The following DPRX variants were observed in gnomAD, a reference collection of about 807,000 sequenced individuals.
DPRX encodes divergent paired-related homeobox.
A neutral mutation model predicts 8.4 loss-of-function variants in DPRX; 11 were observed. The ratio of observed to expected loss-of-function variants is 1.31; its 90% CI spans 0.82 to 2.17. The LOEUF is 2.17. Among genes scored for constraint, DPRX ranks in the 30% most tolerant of loss-of-function variants. The probability of loss-of-function intolerance (pLI) is 0.00; values close to 1 mark genes in which losing one functional copy is unlikely to be tolerated. For synonymous variants in DPRX, 72 were observed against 87.0 expected (o/e 0.83, Z 0.96); for missense variants, 211 against 236.7 (o/e 0.89, Z 0.71).
chr19:53,614,937 T>C, the DPRX span, among the ~76,000 whole-genome samples: 4 of 152,030 alleles, frequency 2.6e-5, no homozygotes, highest in Non-Finnish European at 5.9e-5. Context: ...CTGGGGAACA[T>C]AGAAAGACCC....
At chr19:53,633,294 G>C (rs1310985429) in intron 1 of DPRX, among the ~76,000 whole-genome samples, 1 of 152,112 alleles carries the variant, frequency 6.6e-6, no homozygotes, top group African/African-American at 2.4e-5. Context: ...GAAAAAGAAA[G>C]TAAAAGGTGA....
exon 3 of DPRX, chr19:53,636,972 A>G (rs1011027948): frequency 6.2e-7 from 1 of 1,603,952 alleles, no homozygotes. Flanking sequence ...TCATCTAACC[A>G]AAGTCGAGAG....
chr19:53,616,600 CA>C, the DPRX span, among the ~76,000 whole-genome samples: 1 of 152,086 alleles, frequency 6.6e-6, no homozygotes, highest in Non-Finnish European at 1.5e-5. Flanking sequence ...GCTAAAAATA[CA>C]AAATTAGCCA....
At chr19:53,618,125 A>G in the DPRX span, among the ~76,000 whole-genome samples, 1 of 136,472 alleles carries the variant, frequency 7.3e-6, no homozygotes, top group Non-Finnish European at 1.5e-5. Context: ...CCTGGGCGAC[A>G]GAGCGAGACT....
chr19:53,623,041 C>A, the DPRX span, among the ~76,000 whole-genome samples: 1 of 152,036 alleles, frequency 6.6e-6, no homozygotes, highest in African/African-American at 2.4e-5. Flanking sequence ...CCCGGTGGCT[C>A]ACACCTGTAA....
chr19:53,627,816 C>T (rs1016741061), upstream of DPRX, among the ~76,000 whole-genome samples: 21 of 150,798 alleles, frequency 1.4e-4, no homozygotes, highest in African/African-American at 4.8e-4. Flanking sequence ...TTTGGGAGGC[C>T]GAGGCGGGGA....
the DPRX span, among the ~76,000 whole-genome samples, chr19:53,620,664 G>A: frequency 6.6e-6 from 1 of 151,092 alleles, no homozygotes; most frequent in Admixed American, 6.6e-5. Flanking sequence ...CCCGCCCGGG[G>A]CAAAGCTATT....
chr19:53,621,688 G>A, the DPRX span, among the ~76,000 whole-genome samples: 10 of 151,948 alleles, frequency 6.6e-5, no homozygotes, highest in Non-Finnish European at 1.3e-4. Context: ...GGGAGGTTGA[G>A]GCAGGAGAAT....
At chr19:53,633,937 C>A (rs2091102484) in intron 1 of DPRX, among the ~76,000 whole-genome samples, 1 of 152,062 alleles carries the variant, frequency 6.6e-6, no homozygotes, top group Admixed American at 6.6e-5. Flanking sequence ...AGCAAGGGAT[C>A]CCATATTTAA....
chr19:53,618,075 G>A, the DPRX span, among the ~76,000 whole-genome samples: 2 of 151,458 alleles, frequency 1.3e-5, no homozygotes, highest in Non-Finnish European at 2.9e-5. Flanking sequence ...CTGGGAGGCG[G>A]AGGCTGCAGT....
At chr19:53,614,245 T>C in the DPRX span, among the ~76,000 whole-genome samples, 3 of 152,142 alleles carry the variant, frequency 2.0e-5, no homozygotes, top group Non-Finnish European at 2.9e-5. Flanking sequence ...CCACTGCACC[T>C]GGCCTAAAAG....
the DPRX span, among the ~76,000 whole-genome samples, chr19:53,624,353 G>A: frequency 1.0e-4 from 1 of 9,988 alleles, no homozygotes; most frequent in Non-Finnish European, 4.5e-4. Flanking sequence ...CCTCCCAAAG[G>A]GCTGGGATTA....
chr19:53,618,142 C>CAA, the DPRX span, among the ~76,000 whole-genome samples: 33 of 119,286 alleles, frequency 2.8e-4, no homozygotes, highest in African/African-American at 6.9e-4. Context: ...GACTCTGTTT[C>CAA]AAAAAAAAAA....
At chr19:53,634,075 C>G (rs1473587196) in intron 1 of DPRX, among the ~76,000 whole-genome samples, 1 of 152,228 alleles carries the variant, frequency 6.6e-6, no homozygotes, top group African/African-American at 2.4e-5. Context: ...GCTTCAGCCT[C>G]CCACAGTACT....
intron 1 of DPRX, among the ~76,000 whole-genome samples, chr19:53,632,527 T>C (rs1396757993): frequency 2.6e-5 from 4 of 151,878 alleles, no homozygotes; most frequent in Non-Finnish European, 4.4e-5. Flanking sequence ...ACCAGGCTGG[T>C]CTCGAACTCC....
At chr19:53,621,943 G>A in the DPRX span, among the ~76,000 whole-genome samples, 818 of 152,198 alleles carry the variant, frequency 5.4e-3, 6 homozygotes, top group African/African-American at 0.018. Context: ...AACCATTACT[G>A]ATACTCATCT....
At chr19:53,635,375 G>T (rs963883942) in intron 2 of DPRX, among the ~76,000 whole-genome samples, 1 of 152,044 alleles carries the variant, frequency 6.6e-6, no homozygotes, top group Non-Finnish European at 1.5e-5. Context: ...ACAGGGTGTT[G>T]CTCTTGCCCA....
At chr19:53,631,875 C>T (rs1021093359), upstream of DPRX, among the ~76,000 whole-genome samples, 4 of 152,054 alleles carry the variant, frequency 2.6e-5, no homozygotes, top group African/African-American at 4.8e-5. Context: ...TTTGTGGACT[C>T]GCCTTTGAGT....
the DPRX span, among the ~76,000 whole-genome samples, chr19:53,608,686 C>T: frequency 6.6e-6 from 1 of 152,154 alleles, no homozygotes; most frequent in East Asian, 1.9e-4. Flanking sequence ...GGCGCAGTGG[C>T]TCACGCCTGT....
Sources: gnomAD v4.1 joint callset for allele counts (sites outside exome capture counted in the v4.1 genomes callset) on GRCh38, gnomAD v4.1.1 for gene constraint, MANE v1.5 for transcripts, NCBI Gene and HGNC (gene_info 2026-07-23, HGNC 2026-07-21) for gene names.